The following CADPS2 variants were observed in gnomAD, a reference collection of about 807,000 sequenced individuals.
CADPS2 encodes calcium dependent secretion activator 2, also known as calcium-dependent secretion activator 2.
In CADPS2, 93 loss-of-function variants were observed where a neutral mutation model predicts 172.5. The observed-to-expected ratio is 0.54, with a 90% confidence interval of 0.46 to 0.64. The LOEUF (loss-of-function observed/expected upper bound fraction) is 0.64. CADPS2 is among the 30% of genes least tolerant of loss of function. The probability of loss-of-function intolerance (pLI) is 0.00; values close to 1 mark genes in which losing one functional copy is unlikely to be tolerated. For missense variants in CADPS2, 1,420 were observed against 1,565.9 expected (o/e 0.91, Z 1.57); for synonymous variants, 546 against 555.2 (o/e 0.98, Z 0.23).
chr7:122,573,800 T>C (rs2067590644), intron 7 of CADPS2, among the ~76,000 whole-genome samples: 1 of 152,152 alleles, frequency 6.6e-6, no homozygotes, highest in South Asian at 2.1e-4. Context: ...ATATAAACTG[T>C]ATGTCTAAAA....
chr7:122,566,415 G>T (rs2066480796), intron 7 of CADPS2, among the ~76,000 whole-genome samples: 1 of 152,044 alleles, frequency 6.6e-6, no homozygotes, highest in Non-Finnish European at 1.5e-5. Context: ...CCACTTTAAG[G>T]TATATATCCA....
At chr7:122,631,899 T>C (rs748682453) in intron 3 of CADPS2, among the ~76,000 whole-genome samples, 3 of 152,176 alleles carry the variant, frequency 2.0e-5, no homozygotes, top group Non-Finnish European at 4.4e-5. Flanking sequence ...TATCTATGTA[T>C]ATTCAATGTT....
At position 122,471,552 on chromosome 7, in the gene CADPS2, C is replaced by T; in HGVS notation, c.2009G>A (p.Ser670Asn). The T allele has an allele frequency of 6.3e-7, 1 of 1,588,196 alleles. No homozygotes were observed. The highest frequency in any genetic ancestry group is 1.1e-5 in the South Asian group (1 of 86,988). Reference protein sequence around the residue: ...NDSYSCLGWFSPGQVFVLDEY... With the variant: ...NDSYSCLGWFNPGQVFVLDEY... Reference sequence around the variant, plus strand: ...ATCTAACACAAAGACTTGGCCAGGGCTAAACCATCCCTGCAAAATAAAAAA... The same window carrying T: ...ATCTAACACAAAGACTTGGCCAGGGTTAAACCATCCCTGCAAAATAAAAAA... The change falls in exon 14 of 30, where the codon AGC (serine) becomes AAC (asparagine). Residue 670 changes from serine to asparagine, a missense_variant. Coordinates refer to ENST00000449022, the MANE Select transcript of CADPS2 (RefSeq NM_017954.11).
chr7:122,762,100 T>C (rs921003579), intron 1 of CADPS2, among the ~76,000 whole-genome samples: 1 of 150,270 alleles, frequency 6.7e-6, no homozygotes, highest in African/African-American at 2.4e-5. Context: ...ATATGTGTAA[T>C]ATACATGTGT....
intron 19 of CADPS2, chr7:122,409,539 G>A: frequency 8.7e-6 from 3 of 346,080 alleles, no homozygotes; most frequent in South Asian, 2.2e-5. Flanking sequence ...TTGTTTTGCA[G>A]AAGTATATAT....
At chr7:122,447,543 ATTTTTTT>A (rs1159112244) in intron 15 of CADPS2, among the ~76,000 whole-genome samples, 5,371 of 89,836 alleles carry the variant, frequency 0.06, 509 homozygotes, top group African/African-American at 0.14. Flanking sequence ...GTTTCGGGGA[ATTTTTTT>A]TTTTTTTTTT....
intron 1 of CADPS2, among the ~76,000 whole-genome samples, chr7:122,777,908 G>A (rs758977072): frequency 6.6e-6 from 1 of 152,142 alleles, no homozygotes; most frequent in Non-Finnish European, 1.5e-5. Flanking sequence ...ATAGAGTGGG[G>A]TGCTGCTATA....
chr7:122,817,310 C>A (rs575479866), intron 1 of CADPS2, among the ~76,000 whole-genome samples: 1 of 152,308 alleles, frequency 6.6e-6, no homozygotes, highest in African/African-American at 2.4e-5. Flanking sequence ...GAACATCTCA[C>A]CAATTTTAAA....
chr7:122,507,899 C>A (rs2059726206), intron 9 of CADPS2, among the ~76,000 whole-genome samples: 1 of 152,098 alleles, frequency 6.6e-6, no homozygotes, highest in Admixed American at 6.6e-5. Context: ...AGGGATCAAA[C>A]ATGACACCTA....
At chr7:122,636,805 G>C (rs2077110228) in intron 3 of CADPS2, among the ~76,000 whole-genome samples, 1 of 151,994 alleles carries the variant, frequency 6.6e-6, no homozygotes. Flanking sequence ...TGAACTTGGT[G>C]AATCTGATGG....
At chr7:122,686,713 G>C (rs1308085455) in intron 2 of CADPS2, among the ~76,000 whole-genome samples, 1 of 152,220 alleles carries the variant, frequency 6.6e-6, no homozygotes, top group Non-Finnish European at 1.5e-5. Flanking sequence ...CACCCTGACA[G>C]AGTCTCATTC....
rs143107580 is a variant in CADPS2 at position 122,697,979 on chromosome 7, T to C, written c.454-34410A>G. The C allele has an allele frequency of 7.4e-6, 12 of 1,613,520 alleles. No individual in the cohort carries two copies. The highest frequency in any genetic ancestry group is 6.7e-5 in the African/African-American group (5 of 74,880). ...GACATTAGAACTTGCAAAGGTTCTG[T>C]TCCATTTTCAACAACCACTTGAATC... On this transcript the variant is annotated intron_variant, in intron 2 of 29. Coordinates refer to ENST00000449022, the MANE Select transcript of CADPS2 (RefSeq NM_017954.11).
intron 29 of CADPS2, among the ~76,000 whole-genome samples, chr7:122,322,065 T>TA (rs1456752295): frequency 6.6e-6 from 1 of 152,218 alleles, no homozygotes. Context: ...TTTGTCTAGA[T>TA]AATCTGGAAA....
intron 20 of CADPS2, among the ~76,000 whole-genome samples, chr7:122,400,570 A>G (rs1014640377): frequency 6.6e-6 from 1 of 152,236 alleles, no homozygotes; most frequent in African/African-American, 2.4e-5. Context: ...CATTTACCAT[A>G]CTGGTCAGTA....
chr7:122,879,811 A>G (rs1018739936), intron 1 of CADPS2, among the ~76,000 whole-genome samples: 1 of 152,220 alleles, frequency 6.6e-6, no homozygotes, highest in East Asian at 1.9e-4. Flanking sequence ...CAAGCAGAGC[A>G]TTCATGATGC....
intron 2 of CADPS2, among the ~76,000 whole-genome samples, chr7:122,667,506 T>C (rs575730553): frequency 1.3e-5 from 2 of 152,270 alleles, no homozygotes; most frequent in East Asian, 3.9e-4. Flanking sequence ...CAACATTTAG[T>C]GTCAACAACA....
chr7:122,352,556 A>G (rs1044627652), intron 27 of CADPS2, among the ~76,000 whole-genome samples: 2 of 152,216 alleles, frequency 1.3e-5, no homozygotes, highest in Non-Finnish European at 2.9e-5. Context: ...TCTGGAAAGC[A>G]CAACACACAA....
chr7:122,640,362 C>G (rs1166731613), intron 3 of CADPS2, among the ~76,000 whole-genome samples: 2 of 152,100 alleles, frequency 1.3e-5, no homozygotes, highest in Non-Finnish European at 2.9e-5. Context: ...CTTCAAAGCA[C>G]TATTTCAATT....
intron 28 of CADPS2, among the ~76,000 whole-genome samples, chr7:122,328,214 A>G (rs750949955): frequency 6.6e-6 from 1 of 151,762 alleles, no homozygotes; most frequent in Non-Finnish European, 1.5e-5. Flanking sequence ...AACCTCTAGC[A>G]CTTTCTTATT....
Sources: gnomAD v4.1 joint callset for allele counts (sites outside exome capture counted in the v4.1 genomes callset) on GRCh38, gnomAD v4.1.1 for gene constraint, MANE v1.5 for transcripts, NCBI Gene and HGNC (gene_info 2026-07-23, HGNC 2026-07-21) for gene names.